Variants in FCF1 observed in about 807,000 individuals in gnomAD.
FCF1 encodes rRNA-processing protein FCF1 homolog.
Under a neutral mutation model 32.5 loss-of-function variants are expected in FCF1, and 17 were observed. The observed-to-expected ratio is 0.52, with a 90% CI of 0.36 to 0.78. The LOEUF (loss-of-function observed/expected upper bound fraction) is 0.78, where lower values mean the gene tolerates loss of function less well. Among genes scored for constraint, FCF1 ranks in the 30% least tolerant of loss-of-function variants. The pLI, the probability that FCF1 is intolerant of heterozygous loss-of-function variation, is 0.00. For synonymous variants in FCF1, 84 were observed against 78.4 expected, an observed-to-expected ratio of 1.07 and a Z score of -0.38; for missense variants, 201 against 241.1, an observed-to-expected ratio of 0.83 and a Z score of 1.10.
At chr14:74,726,644 T>A (rs1362615978) in intron 5 of FCF1, among the ~76,000 whole-genome samples, 4 of 151,502 alleles carry the variant, frequency 2.6e-5, no homozygotes, top group Admixed American at 6.6e-5. Flanking sequence ...TTAGGGTACA[T>A]GTGCACAATG....
At position 74,713,507 on chromosome 14, in the gene FCF1, A is replaced by G; in HGVS notation, c.26A>G (p.Lys9Arg). 7 of 1,612,584 alleles carry G rather than the reference A, an allele frequency of 4.3e-6. No individual in the cohort carries two copies. Among genetic ancestry groups the G allele is most frequent in the Non-Finnish European group, 5.9e-6 (7 of 1,179,998 alleles). Residue 9 changes from lysine (K) to arginine (R), a missense_variant, in exon 2 of 8, where the codon AAG becomes AGG. Transcript: ENST00000341162. MGKQKKTR[K>R]YATMKRMLSL... is the part of the protein sequence containing the mutation. ...AAGGGGAAGCAAAAGAAAACAAGGA[A>G]GTATGCGACCATGAAGCGAATGCTT...
intron 7 of FCF1, 113 bp downstream of exon 7, chr14:74,734,283 T>C (rs1338713221): frequency 4.8e-6 from 3 of 624,212 alleles, no homozygotes; most frequent in African/African-American, 1.8e-5. Flanking sequence ...TATCAAATGT[T>C]TACATAGTTA....
In FCF1 at chr14:74,734,137, C is replaced by G. The variant is rs2090674520; in HGVS notation, c.515C>G (p.Pro172Arg). 8.1e-6 allele frequency: 13 copies of G among 1,613,388 alleles called. No individual in the cohort carries two copies. The highest frequency in any genetic ancestry group is 9.3e-6 in the Non-Finnish European group (11 of 1,179,536). ...CTGAAAAGAAGAATCCGTAAGATTC[C>G]TGGAGTTCCTATCATGTACATTTCT... ...RDLKRRIRKI[P>R]GVPIMYISNH... Residue 172 changes from proline (P) to arginine (R), a missense_variant, in exon 7 of 8, where the codon CCT becomes CGT. Coordinates refer to ENST00000341162, the MANE Select transcript of FCF1 (RefSeq NM_015962.5).
chr14:74,726,710 C>G (rs1594788580), intron 5 of FCF1, among the ~76,000 whole-genome samples: 1 of 151,994 alleles, frequency 6.6e-6, no homozygotes, highest in Non-Finnish European at 1.5e-5. Context: ...CACCCACTAA[C>G]TCGTCATCTA....
chr14:74,716,130 A>G, intron 4 of FCF1, 31 bp downstream of exon 4: 1 of 1,599,358 alleles, frequency 6.3e-7, no homozygotes, highest in Non-Finnish European at 8.6e-7. Context: ...TTTCCGTGAC[A>G]TTTGTTCAGA....
intron 3 of FCF1, 112 bp from the exon 4 acceptor site, chr14:74,715,839 A>G: frequency 6.2e-7 from 1 of 1,608,008 alleles, no homozygotes; most frequent in Non-Finnish European, 8.5e-7. Context: ...TCCAATGAAC[A>G]TGGACAAAAG....
chr14:74,716,117 A>G lies in FCF1; in HGVS notation c.292+18A>G, dbSNP rs2090416047. The G allele has an allele frequency of 6.2e-7, 1 of 1,607,052 alleles. No homozygotes were observed. The highest frequency in any genetic ancestry group is 8.5e-7 in the Non-Finnish European group (1 of 1,173,900). On this transcript the variant is annotated intron_variant, in intron 4 of 7. Transcript: ENST00000341162. ...TGCCAAGTGTGAGTATCATACTTTT[A>G]TGTTTCCGTGACATTTGTTCAGAAT...
chr14:74,722,174 A>G (rs376719842), intron 4 of FCF1, among the ~76,000 whole-genome samples: 30 of 149,052 alleles, frequency 2.0e-4, no homozygotes, highest in African/African-American at 6.9e-4. Flanking sequence ...TCAGCCTCCC[A>G]AGTAACTGGG....
chr14:74,735,005 G>A lies in FCF1; in HGVS notation c.*75G>A. The A allele has an allele frequency of 7.8e-7, 1 of 1,280,950 alleles. No homozygotes were observed. The highest frequency in any genetic ancestry group is 1.1e-6 in the Non-Finnish European group (1 of 878,508). The allele number at this position is 1,280,950 out of a possible 1,614,324, so 79.3% of individuals were successfully genotyped here. A position where few individuals can be genotyped will look rare whatever the true frequency, so the allele number is the denominator to read the frequency against. On this transcript the variant is annotated 3_prime_UTR_variant, in exon 8 of 8. Coordinates refer to ENST00000341162, the MANE Select transcript of FCF1 (RefSeq NM_015962.5). ...TTGCCAGTTCATTACACAAAATGTA[G>A]CGGGATTTTTAAGGAATCAGAGAGA...
chr14:74,735,020 A>C lies in FCF1; in HGVS notation c.*90A>C. On this transcript the variant is annotated 3_prime_UTR_variant, in exon 8 of 8. Coordinates refer to ENST00000341162, the MANE Select transcript of FCF1 (RefSeq NM_015962.5). The stretch of plus-strand genomic sequence containing the variant: ...ACAAAATGTAGCGGGATTTTTAAGG[A>C]ATCAGAGAGACTGATGGAGTTCAGG... The C allele has an allele frequency of 9.3e-7, 1 of 1,070,508 alleles. No individual in the cohort carries two copies. Among genetic ancestry groups the C allele is most frequent in the South Asian group, 1.3e-5 (1 of 79,104 alleles). The allele number at this position is 1,070,508 out of a possible 1,614,324, so 66.3% of individuals were successfully genotyped here.
chr14:74,730,970 T>A, intron 5 of FCF1, among the ~76,000 whole-genome samples: 1 of 151,778 alleles, frequency 6.6e-6, no homozygotes, highest in East Asian at 1.9e-4. Flanking sequence ...TGCACTCCAG[T>A]CTGGGTGACA....
chr14:74,720,295 A>C (rs982982989), intron 4 of FCF1, among the ~76,000 whole-genome samples: 4 of 152,150 alleles, frequency 2.6e-5, no homozygotes, highest in African/African-American at 9.7e-5. Context: ...CACCATAGTC[A>C]ATTTTAGAAC....
chr14:74,719,714 A>G (rs1287202452), intron 4 of FCF1, among the ~76,000 whole-genome samples: 2 of 152,064 alleles, frequency 1.3e-5, no homozygotes, highest in Admixed American at 6.6e-5. Flanking sequence ...GCACTGAGCT[A>G]TGTCCATGTC....
chr14:74,719,324 A>AG (rs2090467764), intron 4 of FCF1, among the ~76,000 whole-genome samples: 1 of 138,110 alleles, frequency 7.2e-6, no homozygotes, highest in Admixed American at 7.2e-5. Context: ...AAGAAGAAGA[A>AG]AAGAAAGTTG....
At chr14:74,719,601 A>G (rs989985168) in intron 4 of FCF1, among the ~76,000 whole-genome samples, 6 of 151,496 alleles carry the variant, frequency 4.0e-5, no homozygotes, top group African/African-American at 1.5e-4. Context: ...TCTCTACCAA[A>G]AGAAACCACA....
chr14:74,735,705 G>C lies in FCF1; in HGVS notation c.*775G>C, dbSNP rs1433654413. On this transcript the variant is annotated 3_prime_UTR_variant, in exon 8 of 8. Coordinates refer to ENST00000341162, the MANE Select transcript of FCF1 (RefSeq NM_015962.5). ...CTGCCTCAGCCTCCCGAGTAGCTGG[G>C]ATTACAGGTACACACCACCATGCTC... 2 of 151,606 alleles carry C rather than the reference G, an allele frequency of 1.3e-5. No individual in the cohort carries two copies. The highest frequency in any genetic ancestry group is 4.9e-5 in the African/African-American group (2 of 41,124). The allele number at this position is 151,606 out of a possible 1,614,324, so 9.4% of individuals were successfully genotyped here.
intron 4 of FCF1, among the ~76,000 whole-genome samples, chr14:74,716,755 G>A (rs887239796): frequency 1.3e-5 from 2 of 152,058 alleles, no homozygotes; most frequent in African/African-American, 2.4e-5. Context: ...CATTTGTAGC[G>A]GGTTTATATT....
At chr14:74,725,691 T>C (rs1186121911) in intron 5 of FCF1, among the ~76,000 whole-genome samples, 1 of 151,340 alleles carries the variant, frequency 6.6e-6, no homozygotes, top group African/African-American at 2.4e-5. Context: ...TCCCAGCACT[T>C]TGGGAGGCCG....
rs2090711590 is a variant in FCF1, at chr14:74,736,719, A to G, written c.*1789A>G. 1 of 152,176 alleles carries G rather than the reference A, an allele frequency of 6.6e-6. No individual in the cohort carries two copies. Among genetic ancestry groups the G allele is most frequent in the Admixed American group, 6.5e-5 (1 of 15,276 alleles). The allele number at this position is 152,176 out of a possible 1,614,324, so 9.4% of individuals were successfully genotyped here. On this transcript the variant is annotated 3_prime_UTR_variant, in exon 8 of 8. Coordinates refer to ENST00000341162, the MANE Select transcript of FCF1 (RefSeq NM_015962.5). ...TTTGTTGCGTCTTTTTAGAAATCAGATATTCTGATGATTGCTCACATAATT... is the reference window on the plus strand; with the variant it reads ...TTTGTTGCGTCTTTTTAGAAATCAGGTATTCTGATGATTGCTCACATAATT...
Sources: allele counts gnomAD v4.1 joint callset (sites outside exome capture counted in the v4.1 genomes callset), GRCh38; gene constraint gnomAD v4.1.1; transcripts MANE v1.5; gene names NCBI Gene and HGNC (gene_info 2026-07-23, HGNC 2026-07-21).